ADARB1: variants seen among roughly 807,000 people sequenced by gnomAD.
ADARB1 encodes adenosine deaminase RNA specific B1, also known as double-stranded RNA-specific editase 1.
Under a neutral mutation model 52.4 loss-of-function variants are expected in ADARB1, and 10 were observed. The ratio of observed to expected loss-of-function variants is 0.19; its 90% CI spans 0.12 to 0.32. The LOEUF (loss-of-function observed/expected upper bound fraction) is 0.32, where lower values mean the gene tolerates loss of function less well. Among genes scored for constraint, ADARB1 ranks in the 10% least tolerant of loss-of-function variants. ADARB1 has a pLI of 1.00. For missense variants in ADARB1, 643 were observed against 922.3 expected (o/e 0.70, Z 3.92); for synonymous variants, 349 against 371.1 (o/e 0.94, Z 0.68).
intron 1 of ADARB1, among the ~76,000 whole-genome samples, chr21:45,088,182 T>C (rs1405570785): frequency 6.6e-6 from 1 of 152,178 alleles, no homozygotes; most frequent in Non-Finnish European, 1.5e-5. Context: ...TACATATGCA[T>C]CTCCTAGCCT....
chr21:45,206,700 A>G (rs934538489), intron 9 of ADARB1, among the ~76,000 whole-genome samples: 1 of 149,964 alleles, frequency 6.7e-6, no homozygotes, highest in Non-Finnish European at 1.5e-5. Flanking sequence ...CAGCCTCCCA[A>G]GTAGCTGGGA....
chr21:45,154,830 A>T (rs933670801), intron 2 of ADARB1, among the ~76,000 whole-genome samples: 3 of 152,294 alleles, frequency 2.0e-5, no homozygotes, highest in Non-Finnish European at 4.4e-5. Flanking sequence ...GACCTGGGAG[A>T]GGTCTGGGAG....
chr21:45,213,778 A>G (rs1200946299), intron 9 of ADARB1, among the ~76,000 whole-genome samples: 7 of 152,178 alleles, frequency 4.6e-5, no homozygotes, highest in African/African-American at 1.4e-4. Context: ...ATAAACCACA[A>G]TTTGTTTTTC....
chr21:45,150,665 C>G (rs1163121999), intron 2 of ADARB1, among the ~76,000 whole-genome samples: 1 of 152,212 alleles, frequency 6.6e-6, no homozygotes, highest in African/African-American at 2.4e-5. Context: ...CAGCCCCACC[C>G]TAACGAGAAG....
chr21:45,144,133 G>A (rs1006120418), intron 2 of ADARB1, among the ~76,000 whole-genome samples: 2 of 152,078 alleles, frequency 1.3e-5, no homozygotes, highest in Non-Finnish European at 2.9e-5. Flanking sequence ...TTAATATTAC[G>A]TTAAGTAATG....
chr21:45,150,250 G>A (rs2090215627), intron 2 of ADARB1, among the ~76,000 whole-genome samples: 3 of 152,044 alleles, frequency 2.0e-5, no homozygotes, highest in African/African-American at 7.2e-5. Flanking sequence ...TTCCAGCCTG[G>A]GCAACAGAGC....
In ADARB1 at chr21:45,175,988, C is replaced by A; in HGVS notation, c.287C>A (p.Thr96Lys). Residue 96 changes from threonine to lysine, a missense_variant, in exon 4 of 11, where the codon ACA becomes AAA. Transcript: ENST00000348831. ...LNEIKPGLQY[T>K]LLSQTGPVHA... ...GAGATCAAGCCTGGTTTGCAGTACA[C>A]ACTCCTGTCCCAGACTGGGCCCGTG... is the stretch of plus-strand genomic sequence containing the variant. 1 of 1,613,876 alleles carries A rather than the reference C, an allele frequency of 6.2e-7. No homozygotes were observed. The highest frequency in any genetic ancestry group is 8.5e-7 in the Non-Finnish European group (1 of 1,179,880).
chr21:45,204,493 G>A lies in ADARB1; in HGVS notation c.1566-62G>A. 6.5e-7 allele frequency: 1 copy of A among 1,545,610 alleles called. No individual in the cohort carries two copies. The highest frequency in any genetic ancestry group is 8.9e-7 in the Non-Finnish European group (1 of 1,127,504). ...GCATCCCTGTAACCACGCAGGCTTG[G>A]GCTGGGCTGCGTCGACACTGAGTCC... On this transcript the variant is annotated intron_variant, in intron 8 of 10. Coordinates refer to ENST00000348831, the MANE Select transcript of ADARB1 (RefSeq NM_001112.4). The surrounding 1 kb of genome is among the most constrained non-coding windows in gnomAD (Gnocchi z 4.4).
At chr21:45,140,600 C>T (rs942279349) in intron 2 of ADARB1, among the ~76,000 whole-genome samples, 2 of 152,046 alleles carry the variant, frequency 1.3e-5, no homozygotes, top group Non-Finnish European at 2.9e-5. Context: ...CCAGGACAAA[C>T]CTCTTGTCTT....
intron 2 of ADARB1, among the ~76,000 whole-genome samples, chr21:45,146,807 G>C (rs772423348): frequency 3.5e-4 from 53 of 152,178 alleles, no homozygotes; most frequent in Non-Finnish European, 4.0e-4. Context: ...TTTACCATCT[G>C]TCTTTTCCTT....
intron 9 of ADARB1, among the ~76,000 whole-genome samples, chr21:45,218,555 C>G (rs1167357052): frequency 6.6e-6 from 1 of 152,208 alleles, no homozygotes; most frequent in African/African-American, 2.4e-5. Context: ...AGGGCTCACT[C>G]TGTCTGCATG....
chr21:45,094,777 A>G (rs1207969791), intron 1 of ADARB1, among the ~76,000 whole-genome samples: 1 of 151,928 alleles, frequency 6.6e-6, no homozygotes, highest in Non-Finnish European at 1.5e-5. Context: ...TTTCATGGAA[A>G]TTTCTAGTGA....
In ADARB1 at chr21:45,222,211, G is replaced by T; in HGVS notation, c.*14G>T. ...CTCACGCCCTGACCCGGGCAGACAT[G>T]ATGGGGGGTGCAGGGGGCTGTGGGC... On this transcript the variant is annotated 3_prime_UTR_variant, in exon 11 of 11. Coordinates refer to ENST00000348831, the MANE Select transcript of ADARB1 (RefSeq NM_001112.4). 1 of 1,546,074 alleles carries T rather than the reference G, an allele frequency of 6.5e-7. No individual in the cohort carries two copies. The highest frequency in any genetic ancestry group is 2.3e-5 in the East Asian group (1 of 43,932).
At chr21:45,133,999 G>A (rs1267392966) in intron 2 of ADARB1, among the ~76,000 whole-genome samples, 2 of 132,850 alleles carry the variant, frequency 1.5e-5, no homozygotes, top group East Asian at 2.4e-4. Context: ...TGGTGTGTGC[G>A]CCCGACGGGT....
In ADARB1 at chr21:45,172,591, G is replaced by A. The variant is rs2091529584; in HGVS notation, c.28+907G>A. ...ATGACCCAGTGAAGCATTTCTGCAT[G>A]GTATTGATTTCTGCATGGTATTGAT... On this transcript the variant is annotated intron_variant, in intron 3 of 10. Coordinates refer to ENST00000348831, the MANE Select transcript of ADARB1 (RefSeq NM_001112.4). This position sits in a 1 kb window ranked among gnomAD's most constrained non-coding sequence, Gnocchi z 4.4. Among the ~76,000 whole-genome samples, 1 of 152,084 alleles carries A rather than the reference G, an allele frequency of 6.6e-6. No homozygotes were observed. The highest frequency in any genetic ancestry group is 1.5e-5 in the Non-Finnish European group (1 of 68,004).
chr21:45,223,877 G>T lies in ADARB1; in HGVS notation c.*1680G>T, dbSNP rs2093009751. 2 of 985,524 alleles carry T rather than the reference G, an allele frequency of 2.0e-6. No individual in the cohort carries two copies. Among genetic ancestry groups the T allele is most frequent in the Non-Finnish European group, 2.4e-6 (2 of 830,060 alleles). The allele number at this position is 985,524 out of a possible 1,614,324, so 61.0% of individuals were successfully genotyped here. On this transcript the variant is annotated 3_prime_UTR_variant, in exon 11 of 11. Coordinates refer to ENST00000348831, the MANE Select transcript of ADARB1 (RefSeq NM_001112.4). Reference sequence around the variant, plus strand: ...GTGCTGCTTAGGGCTCATTGTTGGGGACATGACCGGGTTCAGCGGCTAGAA... The same window carrying T: ...GTGCTGCTTAGGGCTCATTGTTGGGTACATGACCGGGTTCAGCGGCTAGAA...
At chr21:45,153,312 C>T (rs1233894882) in intron 2 of ADARB1, among the ~76,000 whole-genome samples, 1 of 150,048 alleles carries the variant, frequency 6.7e-6, no homozygotes. Context: ...GGTTTTTGGA[C>T]CTAAATTGCT....
rs1441550463 is a variant in ADARB1, at chr21:45,175,858, C to T, written c.157C>T (p.Arg53Trp). The T allele has an allele frequency of 1.2e-6, 2 of 1,613,748 alleles. No homozygotes were observed. The highest frequency in any genetic ancestry group is 1.7e-6 in the Non-Finnish European group (2 of 1,179,872). ...GGGTGGTGGTGGCCCCGGCAGAAAG[C>T]GGCCCCTGGAGGAGGGCAGCAATGG... is the stretch of plus-strand genomic sequence containing the variant. Reference protein sequence around the residue: ...NGGGGGPGRKRPLEEGSNGHS... With the variant: ...NGGGGGPGRKWPLEEGSNGHS... Residue 53 changes from arginine to tryptophan, a missense_variant, in exon 4 of 11, where the codon CGG becomes TGG. Arg to Trp is a moderately radical substitution (Grantham distance 101). This residue lies in a region of ADARB1 where 380 missense variants were observed against 446.5 expected (regional missense o/e 0.85). Transcript: ENST00000348831.
chr21:45,168,077 C>G (rs1354755819), intron 2 of ADARB1, among the ~76,000 whole-genome samples: 2 of 152,084 alleles, frequency 1.3e-5, no homozygotes, highest in African/African-American at 4.8e-5. Context: ...CACGGTAGTT[C>G]TCAGCTGCAT....
Sources: allele counts gnomAD v4.1 joint callset (sites outside exome capture counted in the v4.1 genomes callset), GRCh38; gene constraint gnomAD v4.1.1; regional missense constraint gnomAD v4.1.1; non-coding constraint Gnocchi (gnomAD v3.1); transcripts MANE v1.5; gene names NCBI Gene and HGNC (gene_info 2026-07-23, HGNC 2026-07-21).